Variants in DNER observed in about 807,000 individuals in gnomAD.
DNER encodes delta/notch like EGF repeat containing.
A neutral mutation model predicts 78.2 loss-of-function variants in DNER; 33 were observed. The observed-to-expected ratio is 0.42, with a 90% CI of 0.32 to 0.56. DNER has a LOEUF of 0.56. Among genes scored for constraint, DNER ranks in the 20% least tolerant of loss-of-function variants. The pLI, the probability that DNER is intolerant of heterozygous loss-of-function variation, is 0.11. For missense variants in DNER, 918 were observed against 975.3 expected, an observed-to-expected ratio of 0.94 and a Z score of 0.78; for synonymous variants, 417 against 384.8, an observed-to-expected ratio of 1.08 and a Z score of -0.98.
rs543100985 is a variant in DNER, at chr2:229,712,983, C to T, written c.276+1165G>A. Among the ~76,000 whole-genome samples the T allele has an allele frequency of 4.6e-5, 7 of 152,262 alleles. No homozygotes were observed. The South Asian group carries it at 1.5e-3, about 32-fold the overall frequency. On this transcript the variant is annotated intron_variant, in intron 1 of 12. Coordinates refer to ENST00000341772, the MANE Select transcript of DNER (RefSeq NM_139072.4). ...CATTTACCTCTAAAAAATGTAAAAC[C>T]TGTCATAATGAAAGGGCAGCCTTTT...
At chr2:229,389,788 T>A (rs998955992) in intron 10 of DNER, among the ~76,000 whole-genome samples, 5 of 152,244 alleles carry the variant, frequency 3.3e-5, no homozygotes, top group Admixed American at 6.5e-5. Context: ...GGCATCTTAC[T>A]ATTTTATTTT....
At chr2:229,378,864 AC>A (rs984244295) in intron 11 of DNER, among the ~76,000 whole-genome samples, 2 of 151,876 alleles carry the variant, frequency 1.3e-5, no homozygotes, top group African/African-American at 4.8e-5. Context: ...ATTGATTCAG[AC>A]CCAATTATCT....
intron 10 of DNER, among the ~76,000 whole-genome samples, chr2:229,399,941 G>C (rs1189161815): frequency 2.0e-5 from 3 of 151,936 alleles, no homozygotes; most frequent in Non-Finnish European, 4.4e-5. Context: ...GGGTCTGGGG[G>C]GGAGCTGACC....
intron 7 of DNER, among the ~76,000 whole-genome samples, chr2:229,461,495 A>C (rs916410934): frequency 6.6e-6 from 1 of 152,066 alleles, no homozygotes; most frequent in Non-Finnish European, 1.5e-5. Context: ...GAAATTTAAC[A>C]TTCCTGGGTT....
chr2:229,705,135 C>A (rs572662864), intron 1 of DNER, among the ~76,000 whole-genome samples: 9 of 152,156 alleles, frequency 5.9e-5, no homozygotes, highest in Non-Finnish European at 1.0e-4. Context: ...TCGCTTCAGT[C>A]GTCTCATGGA....
intron 1 of DNER, among the ~76,000 whole-genome samples, chr2:229,613,146 C>T (rs754374322): frequency 3.9e-5 from 6 of 152,126 alleles, no homozygotes; most frequent in Admixed American, 1.3e-4. Context: ...AATCTAATTT[C>T]GCTGAATAGA....
chr2:229,542,122 C>G (rs1696527560), intron 5 of DNER, among the ~76,000 whole-genome samples: 1 of 151,744 alleles, frequency 6.6e-6, no homozygotes, highest in Non-Finnish European at 1.5e-5. Flanking sequence ...CTAAACCAAC[C>G]AAGAGCCCCG....
intron 8 of DNER, among the ~76,000 whole-genome samples, chr2:229,438,985 C>G (rs1275835384): frequency 6.6e-6 from 1 of 152,196 alleles, no homozygotes; most frequent in East Asian, 1.9e-4. Flanking sequence ...TGCCTGGATT[C>G]AAGTCCCAGC....
Position 229,506,800 on chromosome 2 carries a change from A to G in DNER, c.1147+5983T>C, listed in dbSNP as rs145881338. On this transcript the variant is annotated intron_variant, in intron 6 of 12. Transcript: ENST00000341772. Reference sequence around the variant, plus strand: ...TTTCTGTCCTTGTGATAGTTTGCTGAGAATGATGGTTTCCAGCTTCATCCA... The same window carrying G: ...TTTCTGTCCTTGTGATAGTTTGCTGGGAATGATGGTTTCCAGCTTCATCCA... Among the ~76,000 whole-genome samples, 415 of 152,038 alleles carry G rather than the reference A, an allele frequency of 2.7e-3. 6 individuals are homozygous for G. Among genetic ancestry groups the G allele is most frequent in the African/African-American group, 9.2e-3 (382 of 41,456 alleles).
At chr2:229,441,285 A>G (rs1694229453) in intron 8 of DNER, among the ~76,000 whole-genome samples, 1 of 152,154 alleles carries the variant, frequency 6.6e-6, no homozygotes, top group South Asian at 2.1e-4. Flanking sequence ...TCATATAAAA[A>G]TTCAATCAAT....
intron 4 of DNER, among the ~76,000 whole-genome samples, chr2:229,565,529 T>A (rs569290395): frequency 2.0e-4 from 31 of 152,286 alleles, no homozygotes; most frequent in African/African-American, 5.1e-4. Context: ...AGACTTTTTT[T>A]AAAAAGTATA....
At chr2:229,613,204 A>T (rs1559182769) in intron 1 of DNER, among the ~76,000 whole-genome samples, 1 of 152,252 alleles carries the variant, frequency 6.6e-6, no homozygotes, top group Admixed American at 6.5e-5. Flanking sequence ...TTCTAAAAAC[A>T]GAAGTTTTGC....
In DNER at chr2:229,405,294, T is replaced by C. The variant is rs138857662; in HGVS notation, c.1723+1938A>G. Among the ~76,000 whole-genome samples, 550 of 152,340 alleles carry C rather than the reference T, an allele frequency of 3.6e-3. 5 individuals carry two copies. Among genetic ancestry groups the C allele is most frequent in the Non-Finnish European group, 4.1e-3 (277 of 68,016 alleles). ...AGGAAATAAATGCTCCTGTGCACTTTTGGTAGGAGAAAATATCGGTTCAAT... is the reference window on the plus strand; with the variant it reads ...AGGAAATAAATGCTCCTGTGCACTTCTGGTAGGAGAAAATATCGGTTCAAT... On this transcript the variant is annotated intron_variant, in intron 10 of 12. Transcript: ENST00000341772.
intron 4 of DNER, among the ~76,000 whole-genome samples, chr2:229,563,551 A>G (rs183877490): frequency 9.3e-4 from 136 of 146,486 alleles, no homozygotes; most frequent in Non-Finnish European, 1.7e-3. Context: ...CCCCATCACC[A>G]TCATCGTCAT....
rs187140333 is a variant in DNER, at chr2:229,640,344, A to G, written c.277-48456T>C. Among the ~76,000 whole-genome samples the G allele has an allele frequency of 2.0e-5, 3 of 152,374 alleles. No individual in the cohort carries two copies. In the East Asian group the frequency reaches 5.8e-4, roughly 29 times the overall value. ...AAGTCATAGCTTTGTTGAAAGGATTAGTATAGAAATGTGCCAAATTATTTA... is the reference window on the plus strand; with the variant it reads ...AAGTCATAGCTTTGTTGAAAGGATTGGTATAGAAATGTGCCAAATTATTTA... On this transcript the variant is annotated intron_variant, in intron 1 of 12. Transcript: ENST00000341772.
intron 4 of DNER, among the ~76,000 whole-genome samples, chr2:229,550,146 C>G (rs563590153): frequency 6.6e-6 from 1 of 150,684 alleles, no homozygotes; most frequent in African/African-American, 2.5e-5. Flanking sequence ...ATACGCGCCA[C>G]CACACCCAGC....
At position 229,568,433 on chromosome 2, in the gene DNER, C is replaced by T. The variant is rs541154159; in HGVS notation, c.847+17425G>A. 1.5e-4 allele frequency among the ~76,000 whole-genome samples: 23 copies of T among 152,250 alleles called. No homozygotes were observed. In the South Asian group the frequency reaches 4.4e-3, roughly 29 times the overall value. ...AGCATAGGAGAGAGACCTGACTCCG[C>T]AGTAGGAAATGCAGGCTTTGGATTC... On this transcript the variant is annotated intron_variant, in intron 4 of 12. Transcript: ENST00000341772.
chr2:229,428,451 A>T (rs1239898466), intron 8 of DNER, among the ~76,000 whole-genome samples: 1 of 152,140 alleles, frequency 6.6e-6, no homozygotes, highest in African/African-American at 2.4e-5. Context: ...TTGTCCAGAG[A>T]TACTGCAATT....
intron 7 of DNER, among the ~76,000 whole-genome samples, chr2:229,457,998 T>A (rs540256254): frequency 6.6e-6 from 1 of 151,174 alleles, no homozygotes; most frequent in African/African-American, 2.4e-5. Flanking sequence ...TAGTCAGGTG[T>A]GGTGGTGTGC....
Sources: allele counts gnomAD v4.1 joint callset (sites outside exome capture counted in the v4.1 genomes callset), GRCh38; gene constraint gnomAD v4.1.1; transcripts MANE v1.5; gene names NCBI Gene and HGNC (gene_info 2026-07-23, HGNC 2026-07-21).